Variants in TMPRSS15 observed in about 807,000 individuals in gnomAD.
The protein encoded by TMPRSS15 is transmembrane serine protease 15.
In TMPRSS15, 128 loss-of-function variants were observed where a neutral mutation model predicts 125.3. The ratio of observed to expected loss-of-function variants is 1.02; its 90% confidence interval spans 0.89 to 1.18. The LOEUF is 1.18. Ranked by LOEUF, TMPRSS15 falls within the 50% of genes most tolerant of loss-of-function variation. The pLI, the probability that TMPRSS15 is intolerant of heterozygous loss-of-function variation, is 0.00. For synonymous variants in TMPRSS15, 446 were observed against 423.2 expected (o/e 1.05, Z -0.66); for missense variants, 1,283 against 1,212.7 (o/e 1.06, Z -0.86).
At chr21:18,271,157 A>C (rs773090285) in intron 24 of TMPRSS15, among the ~76,000 whole-genome samples, 7 of 152,206 alleles carry the variant, frequency 4.6e-5, no homozygotes, top group Non-Finnish European at 7.3e-5. Context: ...AGTGTAACAA[A>C]TGTGTGCAAG....
intron 1 of TMPRSS15, among the ~76,000 whole-genome samples, chr21:18,413,053 G>A (rs1036952816): frequency 2.0e-5 from 3 of 152,026 alleles, no homozygotes; most frequent in Admixed American, 1.3e-4. Flanking sequence ...TTTTACCTGT[G>A]CACCACAAGC....
chr21:18,277,263 A>ATCTT (rs1008556371), intron 23 of TMPRSS15, among the ~76,000 whole-genome samples: 66 of 152,250 alleles, frequency 4.3e-4, no homozygotes, highest in African/African-American at 1.5e-3. Context: ...TCAGACATAT[A>ATCTT]TCTTTAGTAA....
intron 16 of TMPRSS15, among the ~76,000 whole-genome samples, chr21:18,317,269 A>T (rs1461962693): frequency 6.6e-6 from 1 of 152,174 alleles, no homozygotes; most frequent in Non-Finnish European, 1.5e-5. Flanking sequence ...GAAAAATACC[A>T]TTACACTTCT....
At position 18,280,575 on chromosome 21, in the gene TMPRSS15, C is replaced by CAAAAAAAAAAAA. The variant is rs1230513414; in HGVS notation, c.2668+453_2668+464dup. Among the ~76,000 whole-genome samples the CAAAAAAAAAAAA allele has an allele frequency of 1.4e-3, 67 of 48,346 alleles. 2 individuals carry two copies. The highest frequency in any genetic ancestry group is 2.1e-3 in the Non-Finnish European group (51 of 24,828). The allele number at this position is 48,346 out of a possible 152,430, so 31.7% of individuals were successfully genotyped here. On this transcript the variant is annotated intron_variant, in intron 22 of 24. Transcript: ENST00000284885. The stretch of plus-strand genomic sequence containing the variant: ...TGGGCAACAGAGCGAGACTCCGTCT[C>CAAAAAAAAAAAA]AAAAAAAAAAAAAAAAAAAACAACA...
chr21:18,284,980 G>C (rs754401231), intron 21 of TMPRSS15, among the ~76,000 whole-genome samples: 1 of 147,944 alleles, frequency 6.8e-6, no homozygotes, highest in East Asian at 2.0e-4. Context: ...CAGCCTGGGT[G>C]ACAAGAGCAA....
rs577334840 is a variant in TMPRSS15, at chr21:18,386,799, T to C, written c.345-3021A>G. Among the ~76,000 whole-genome samples the C allele has an allele frequency of 3.9e-5, 6 of 152,340 alleles. No homozygotes were observed. The South Asian group carries it at 8.3e-4, about 21-fold the overall frequency. ...ATTCTGATTAAATCTGTTTTATTTC[T>C]ATGTAATTTCACCGGTTCAATTTGA... On this transcript the variant is annotated intron_variant, in intron 3 of 24. Transcript: ENST00000284885.
chr21:18,469,429 T>G (rs1213522239), intron 1 of TMPRSS15, among the ~76,000 whole-genome samples: 1 of 152,152 alleles, frequency 6.6e-6, no homozygotes, highest in Non-Finnish European at 1.5e-5. Flanking sequence ...CCTAAATTAT[T>G]AATATGCTCT....
chr21:18,413,985 T>C (rs2076174097), intron 1 of TMPRSS15, among the ~76,000 whole-genome samples: 1 of 152,220 alleles, frequency 6.6e-6, no homozygotes, highest in African/African-American at 2.4e-5. Context: ...GTTTATGTGA[T>C]AGTAGTAATT....
chr21:18,281,344 G>A (rs2074696391), intron 21 of TMPRSS15, 123 bp from the exon 22 acceptor site: 3 of 864,056 alleles, frequency 3.5e-6, no homozygotes, highest in Non-Finnish European at 5.6e-6. Flanking sequence ...TTTCTCTGAA[G>A]AATCATCCTT....
intron 13 of TMPRSS15, among the ~76,000 whole-genome samples, chr21:18,338,999 ATTTT>A (rs902049102): frequency 6.9e-6 from 1 of 144,946 alleles, no homozygotes; most frequent in East Asian, 2.0e-4. Flanking sequence ...TTCTGCTCAC[ATTTT>A]TTTTTTCTCC....
chr21:18,339,474 G>A (rs914169092), intron 13 of TMPRSS15, among the ~76,000 whole-genome samples: 1 of 152,072 alleles, frequency 6.6e-6, no homozygotes, highest in African/African-American at 2.4e-5. Context: ...ATATAGTTTT[G>A]GAAGTAAACC....
intron 6 of TMPRSS15, among the ~76,000 whole-genome samples, chr21:18,369,798 T>A (rs2075773562): frequency 6.6e-6 from 1 of 152,040 alleles, no homozygotes; most frequent in African/African-American, 2.4e-5. Flanking sequence ...GTGCTGAAAG[T>A]CATTAGGCTT....
At position 18,398,191 on chromosome 21, in the gene TMPRSS15, T is replaced by C. The variant is rs1351829418; in HGVS notation, c.276+8A>G. 7.4e-6 allele frequency: 12 copies of C among 1,613,618 alleles called. No individual in the cohort carries two copies. The highest frequency in any genetic ancestry group is 1.0e-5 in the Non-Finnish European group (12 of 1,179,732). On this transcript the variant is annotated splice_region_variant and intron_variant, in intron 2 of 24. Coordinates refer to ENST00000284885, the MANE Select transcript of TMPRSS15 (RefSeq NM_002772.3). ...TATAAAATTTGAAACCAGCTGTCAG[T>C]CTCCTACCATTTGCTGAAGGTCAAA...
At chr21:18,355,196 T>G (rs749980652) in intron 8 of TMPRSS15, among the ~76,000 whole-genome samples, 1 of 151,926 alleles carries the variant, frequency 6.6e-6, no homozygotes, top group Non-Finnish European at 1.5e-5. Context: ...TTAAGGGATG[T>G]GAACATTCTA....
At position 18,383,611 on chromosome 21, in the gene TMPRSS15, T is replaced by A; in HGVS notation, c.496+16A>T. The stretch of plus-strand genomic sequence containing the variant: ...AGCTTAATGATTCAAAGAAATCAAA[T>A]AATGTTCACACATACCTAGGATATC... On this transcript the variant is annotated intron_variant, in intron 4 of 24. Coordinates refer to ENST00000284885, the MANE Select transcript of TMPRSS15 (RefSeq NM_002772.3). The A allele has an allele frequency of 6.2e-7, 1 of 1,612,778 alleles. No individual in the cohort carries two copies. Among genetic ancestry groups the A allele is most frequent in the Non-Finnish European group, 8.5e-7 (1 of 1,179,592 alleles).
intron 3 of TMPRSS15, among the ~76,000 whole-genome samples, chr21:18,393,560 C>T (rs1015637875): frequency 1.2e-4 from 18 of 152,066 alleles, no homozygotes; most frequent in African/African-American, 4.3e-4. Flanking sequence ...CAAGCAAAGG[C>T]TAGACTACAC....
At chr21:18,320,915 TA>T (rs1195179391) in intron 16 of TMPRSS15, among the ~76,000 whole-genome samples, 1 of 152,218 alleles carries the variant, frequency 6.6e-6, no homozygotes, top group Non-Finnish European at 1.5e-5. Context: ...GAAATATTGC[TA>T]AGAATTGAAT....
intron 24 of TMPRSS15, among the ~76,000 whole-genome samples, 163 bp from the exon 25 acceptor site, chr21:18,270,287 T>C (rs2074539966): frequency 6.6e-6 from 1 of 152,194 alleles, no homozygotes; most frequent in African/African-American, 2.4e-5. Context: ...AAGTCAGGAA[T>C]GAGAACCTCA....
intron 5 of TMPRSS15, among the ~76,000 whole-genome samples, chr21:18,375,766 A>T (rs1203829487): frequency 6.6e-6 from 1 of 152,174 alleles, no homozygotes; most frequent in Non-Finnish European, 1.5e-5. Flanking sequence ...TTCGGTATAC[A>T]CTCAAAGATG....
Sources: allele counts gnomAD v4.1 joint callset (sites outside exome capture counted in the v4.1 genomes callset), GRCh38; gene constraint gnomAD v4.1.1; transcripts MANE v1.5; gene names NCBI Gene and HGNC (gene_info 2026-07-23, HGNC 2026-07-21).